CRTC1: variants seen among roughly 807,000 people sequenced by gnomAD.
CRTC1 encodes the protein CREB-regulated transcription coactivator 1.
A neutral mutation model predicts 66.1 loss-of-function variants in CRTC1; 18 were observed. That is an observed-to-expected ratio of 0.27 (90% confidence interval 0.19 to 0.40). The LOEUF (loss-of-function observed/expected upper bound fraction) is 0.40. CRTC1 is among the 10% of genes least tolerant of loss of function. CRTC1 has a pLI of 1.00. For synonymous variants in CRTC1, 416 were observed against 398.8 expected (o/e 1.04, Z -0.51); for missense variants, 669 against 887.9 (o/e 0.75, Z 3.13).
rs376815948 is a variant in CRTC1, at chr19:18,699,745, G to C, written c.126+15917G>C. Among the ~76,000 whole-genome samples, 412 of 152,310 alleles carry C rather than the reference G, an allele frequency of 2.7e-3. 1 individual carries two copies. The highest frequency in any genetic ancestry group is 8.8e-3 in the African/African-American group (367 of 41,576). On this transcript the variant is annotated intron_variant, in intron 1 of 13. Coordinates refer to ENST00000321949, the MANE Select transcript of CRTC1 (RefSeq NM_015321.3). ...CTGGCTCTGGGGGTGATGCCTCGTG[G>C]GCCAGGGTGAGGGGTTGAGATCTGG...
intron 1 of CRTC1, among the ~76,000 whole-genome samples, chr19:18,729,861 C>G (rs767266274): frequency 9.9e-5 from 15 of 152,194 alleles, no homozygotes; most frequent in Non-Finnish European, 1.8e-4. Flanking sequence ...TCCTTATCCT[C>G]GTTCTTGGCC....
At chr19:18,689,858 T>G (rs964890712) in intron 1 of CRTC1, among the ~76,000 whole-genome samples, 2 of 151,344 alleles carry the variant, frequency 1.3e-5, no homozygotes, top group African/African-American at 4.9e-5. Context: ...TGCTGGGGAG[T>G]AGAGTTGCCG....
chr19:18,690,628 C>A (rs1313477512), intron 1 of CRTC1, among the ~76,000 whole-genome samples: 1 of 152,056 alleles, frequency 6.6e-6, no homozygotes, highest in African/African-American at 2.4e-5. Flanking sequence ...TGAATTGGAC[C>A]TTAGTTGGAA....
chr19:18,746,846 G>T (rs985227113), intron 3 of CRTC1, among the ~76,000 whole-genome samples: 3 of 152,214 alleles, frequency 2.0e-5, no homozygotes, highest in African/African-American at 4.8e-5. Flanking sequence ...GGACAGGGCT[G>T]TACCCCTGGA....
Position 18,759,568 on chromosome 19 carries a change from G to A in CRTC1, c.642G>A (p.Lys214=), listed in dbSNP as rs140127930. 6.2e-6 allele frequency: 10 copies of A among 1,613,146 alleles called. No homozygotes were observed. In the African/African-American group the frequency reaches 8.0e-5, roughly 13 times the overall value. Residue 214 remains lysine (K), a synonymous_variant, in exon 7 of 14, where the codon AAG becomes AAA. Coordinates refer to ENST00000321949, the MANE Select transcript of CRTC1 (RefSeq NM_015321.3). Reference sequence around the variant, plus strand: ...TCTTTCAGACGGGGTCCAGGCCCAAGTCCTGTGAGGTCCCCGGAATCAAGT... The same window carrying A: ...TCTTTCAGACGGGGTCCAGGCCCAAATCCTGTGAGGTCCCCGGAATCAAGT... ...WDTKKTGSRP[K]SCEVPGINIF...
intron 5 of CRTC1, among the ~76,000 whole-genome samples, chr19:18,750,280 C>T (rs1450369504): frequency 3.9e-5 from 6 of 152,218 alleles, no homozygotes; most frequent in Non-Finnish European, 7.3e-5. Context: ...CACTGCTTCC[C>T]ACTGGACTGT....
In CRTC1 at chr19:18,768,126, G is replaced by A. The variant is rs894157509; in HGVS notation, c.1012-359G>A. Among the ~76,000 whole-genome samples the A allele has an allele frequency of 1.3e-5, 2 of 152,186 alleles. No homozygotes were observed. Among genetic ancestry groups the A allele is most frequent in the African/African-American group, 2.4e-5 (1 of 41,438 alleles). On this transcript the variant is annotated intron_variant, in intron 9 of 13. Coordinates refer to ENST00000321949, the MANE Select transcript of CRTC1 (RefSeq NM_015321.3). This position sits in a 1 kb window ranked among gnomAD's most constrained non-coding sequence, Gnocchi z 5.6. ...CCAGTGGATCACTTGAGGTTTCCCC[G>A]CAGCACCCACAGGGGCTGGGAGCTG...
chr19:18,759,137 AGGC>A lies in CRTC1; in HGVS notation c.625-413_625-411del, dbSNP rs1221530059. ...GGAAGATCATGAGCTCAGGAGGTTG[AGGC>A]TGCGGCGAGCTGTGATCACACCACT... is the stretch of plus-strand genomic sequence containing the variant. On this transcript the variant is annotated intron_variant, in intron 6 of 13. Transcript: ENST00000321949. Among the ~76,000 whole-genome samples the A allele has an allele frequency of 2.0e-5, 3 of 152,186 alleles. No homozygotes were observed. The East Asian group carries it at 5.8e-4, about 29-fold the overall frequency.
intron 1 of CRTC1, among the ~76,000 whole-genome samples, chr19:18,726,932 A>AG (rs1320996259): frequency 6.9e-6 from 1 of 145,710 alleles, no homozygotes; most frequent in East Asian, 2.0e-4. Flanking sequence ...TCTTGGGGAA[A>AG]AAAAAAAAAA....
chr19:18,759,612 C>T (rs757566643), intron 7 of CRTC1, 21 bp downstream of exon 7: 2 of 1,612,014 alleles, frequency 1.2e-6, no homozygotes, highest in East Asian at 2.2e-5. Flanking sequence ...ACAGGGCCCA[C>T]CCCGCACACT....
In CRTC1 at chr19:18,768,342, G is replaced by A. The variant is rs565964776; in HGVS notation, c.1012-143G>A. ...CCTCTCTAGCCTGGGCTCCCTCATC[G>A]TGAGGAGCACCCAGCCCAGGGGCTG... On this transcript the variant is annotated intron_variant, in intron 9 of 13. Transcript: ENST00000321949. This position sits in a 1 kb window ranked among gnomAD's most constrained non-coding sequence, Gnocchi z 5.6. 8.3e-5 allele frequency: 56 copies of A among 676,668 alleles called. No homozygotes were observed. The highest frequency in any genetic ancestry group is 5.5e-4 in the South Asian group (29 of 52,662). 41.9% of individuals were successfully genotyped at this position (676,668 alleles called of 1,614,324 possible).
At chr19:18,724,662 G>A (rs946639996) in intron 1 of CRTC1, among the ~76,000 whole-genome samples, 9 of 150,078 alleles carry the variant, frequency 6.0e-5, no homozygotes, top group Admixed American at 2.7e-4. Context: ...AATCCCGGCC[G>A]TCCCCCTCTG....
At position 18,777,252 on chromosome 19, in the gene CRTC1, A is replaced by G. The variant is rs750402659; in HGVS notation, c.1775A>G (p.Asp592Gly). Reference protein sequence around the residue: ...AGVGDVSFDSDSQFPLDELKI... With the variant: ...AGVGDVSFDSGSQFPLDELKI... ...GTCGGCGACGTCAGCTTCGACTCCG[A>G]CAGCCAGTTTCCCCTGGACGAACTC... Residue 592 changes from aspartate (D) to glycine (G), a missense_variant, in exon 14 of 14, where the codon GAC (aspartate) becomes GGC (glycine). Asp to Gly is a moderately conservative substitution (Grantham distance 94, BLOSUM62 -1). Coordinates refer to ENST00000321949, the MANE Select transcript of CRTC1 (RefSeq NM_015321.3). This position sits in a 1 kb window ranked among gnomAD's most constrained non-coding sequence, Gnocchi z 5.5. 14 of 1,606,694 alleles carry G rather than the reference A, an allele frequency of 8.7e-6. No individual in the cohort carries two copies. Among genetic ancestry groups the G allele is most frequent in the Non-Finnish European group, 1.2e-5 (14 of 1,177,424 alleles).
intron 1 of CRTC1, among the ~76,000 whole-genome samples, chr19:18,693,484 T>G (rs547071742): frequency 7.2e-5 from 10 of 139,238 alleles, no homozygotes; most frequent in South Asian, 2.1e-4. Flanking sequence ...CTTTTGTTTT[T>G]GTTTTTTTTT....
chr19:18,738,878 GT>G (rs1445948339), intron 1 of CRTC1, among the ~76,000 whole-genome samples: 1 of 152,254 alleles, frequency 6.6e-6, no homozygotes, highest in African/African-American at 2.4e-5. Flanking sequence ...GAGCAGGGGT[GT>G]TGGGGATGCC....
At chr19:18,752,317 T>C (rs1366342469) in intron 5 of CRTC1, among the ~76,000 whole-genome samples, 1 of 151,884 alleles carries the variant, frequency 6.6e-6, no homozygotes, top group African/African-American at 2.4e-5. Flanking sequence ...AGAGCTGCTG[T>C]TTTATATTAT....
chr19:18,773,031 G>A (rs923721120), intron 11 of CRTC1, among the ~76,000 whole-genome samples: 1 of 152,166 alleles, frequency 6.6e-6, no homozygotes, highest in African/African-American at 2.4e-5. Flanking sequence ...GGAATGGTTG[G>A]TGAATTTTTG....
Position 18,683,720 on chromosome 19 carries a change from T to A in CRTC1, c.18T>A (p.Asn6Lys). ...GCGAGAAGATGGCGACTTCGAACAA[T>A]CCGCGGAAATTCAGCGAGAAGATCG... MATSN[N>K]PRKFSEKIAL... Residue 6 changes from asparagine (N) to lysine (K), a missense_variant, in exon 1 of 14, where the codon AAT becomes AAA. Asn to Lys is a moderately conservative substitution (Grantham distance 94, BLOSUM62 0). Transcript: ENST00000321949. 7.1e-7 allele frequency: 1 copy of A among 1,398,964 alleles called. No homozygotes were observed. Among genetic ancestry groups the A allele is most frequent in the Non-Finnish European group, 9.5e-7 (1 of 1,052,248 alleles). 86.7% of individuals were successfully genotyped at this position (1,398,964 alleles called of 1,614,324 possible).
At chr19:18,735,675 A>T (rs913437490) in intron 1 of CRTC1, 4 of 152,380 alleles carry the variant, frequency 2.6e-5, no homozygotes, top group Non-Finnish European at 5.9e-5. Flanking sequence ...CGTTCCCTCG[A>T]TGACCGTATT....
Sources: gnomAD v4.1 joint callset for allele counts (sites outside exome capture counted in the v4.1 genomes callset) on GRCh38, gnomAD v4.1.1 for gene constraint, Gnocchi (gnomAD v3.1) non-coding constraint, MANE v1.5 for transcripts, NCBI Gene and HGNC (gene_info 2026-07-23, HGNC 2026-07-21) for gene names.